The following PHLPP1 variants were observed in gnomAD, a reference collection of about 807,000 sequenced individuals.
PHLPP1 encodes PH domain and leucine rich repeat protein phosphatase 1.
Under a neutral mutation model 117.2 loss-of-function variants are expected in PHLPP1, and 42 were observed. The observed-to-expected ratio is 0.36, with a 90% confidence interval of 0.28 to 0.46. The LOEUF (loss-of-function observed/expected upper bound fraction) is 0.46. Ranked by LOEUF, PHLPP1 falls within the 20% of genes least tolerant of loss-of-function variation. The probability of loss-of-function intolerance (pLI) is 1.00; values close to 1 mark genes in which losing one functional copy is unlikely to be tolerated. For missense variants in PHLPP1, 2,084 were observed against 2,241.9 expected, an observed-to-expected ratio of 0.93 and a Z score of 1.42; for synonymous variants, 1,042 against 970.7, an observed-to-expected ratio of 1.07 and a Z score of -1.37.
intron 3 of PHLPP1, among the ~76,000 whole-genome samples, chr18:62,858,423 C>A (rs1915552020): frequency 6.6e-6 from 1 of 152,118 alleles, no homozygotes; most frequent in African/African-American, 2.4e-5. Flanking sequence ...CCACTACGCC[C>A]AGCTAATTTT....
At chr18:62,932,294 C>T (rs1909839016) in intron 10 of PHLPP1, among the ~76,000 whole-genome samples, 2 of 142,322 alleles carry the variant, frequency 1.4e-5, no homozygotes, top group Admixed American at 7.2e-5. Flanking sequence ...CATCCTGATA[C>T]CAAAATCTGA....
At chr18:62,935,323 G>A (rs991364401) in intron 10 of PHLPP1, among the ~76,000 whole-genome samples, 8 of 152,148 alleles carry the variant, frequency 5.3e-5, no homozygotes, top group Non-Finnish European at 1.0e-4. Flanking sequence ...AATAAGAAAT[G>A]TGCAAAAACT....
intron 1 of PHLPP1, among the ~76,000 whole-genome samples, chr18:62,726,102 A>G (rs1208726954): frequency 6.6e-6 from 1 of 151,818 alleles, no homozygotes; most frequent in Admixed American, 6.6e-5. Context: ...CACACTATAT[A>G]TATGTATGTG....
Position 62,716,563 on chromosome 18 carries a change from C to A in PHLPP1, c.880C>A (p.Pro294Thr). ...ARSAPGAFGG[P>T]PRAPPADLPL... ...GAGCGCGCCGGGTGCCTTCGGGGGG[C>A]CTCCGCGCGCGCCCCCCGCCGACCT... The change falls in exon 1 of 17, where the codon CCT becomes ACT. Residue 294 changes from proline to threonine, a missense_variant. Physicochemically the swap from Pro to Thr is conservative, Grantham distance 38. This residue lies in a region of PHLPP1 where 719 missense variants were observed against 636.0 expected (regional missense o/e 1.13). Coordinates refer to ENST00000262719, the MANE Select transcript of PHLPP1 (RefSeq NM_194449.4). This position sits in a 1 kb window ranked among gnomAD's most constrained non-coding sequence, Gnocchi z 5.7. 1 of 1,194,852 alleles carries A rather than the reference C, an allele frequency of 8.4e-7. No homozygotes were observed. 74.0% of individuals were successfully genotyped at this position (1,194,852 alleles called of 1,614,324 possible). A position where few individuals can be genotyped will look rare whatever the true frequency, so the allele number is the denominator to read the frequency against.
chr18:62,832,318 A>AT (rs1166103266), intron 2 of PHLPP1: 2 of 152,316 alleles, frequency 1.3e-5, no homozygotes, highest in Non-Finnish European at 2.9e-5. Flanking sequence ...GAGAGATTAC[A>AT]TTTTTTCGGG....
At chr18:62,923,748 G>A (rs963733906) in intron 10 of PHLPP1, among the ~76,000 whole-genome samples, 16 of 151,946 alleles carry the variant, frequency 1.1e-4, no homozygotes, top group Non-Finnish European at 1.8e-4. Flanking sequence ...GACAAATATC[G>A]TGTATTTGGT....
At chr18:62,870,566 G>A (rs748676317) in intron 4 of PHLPP1, among the ~76,000 whole-genome samples, 4 of 152,034 alleles carry the variant, frequency 2.6e-5, no homozygotes, top group African/African-American at 4.8e-5. Context: ...TTATTTTTAC[G>A]TTTTTACCTA....
chr18:62,717,088 C>A lies in PHLPP1; in HGVS notation c.1405C>A (p.Pro469Thr). Residue 469 changes from proline (P) to threonine (T), a missense_variant, in exon 1 of 17, where the codon CCC becomes ACC. Pro to Thr is a conservative substitution (Grantham distance 38). Around this residue, in one of 2 missense-constraint regions of PHLPP1, gnomAD observed 1,365 missense variants for 1,605.9 expected, o/e 0.85. Transcript: ENST00000262719. The part of the protein sequence containing the change: ...AEKAPPPPPP[P>T]TLYVQLHGET... ...GAAGGCGCCTCCGCCGCCCCCGCCG[C>A]CCACCCTGTACGTGCAGCTCCACGG... is the stretch of plus-strand genomic sequence containing the variant. 6.4e-7 allele frequency: 1 copy of A among 1,551,770 alleles called. No homozygotes were observed.
At chr18:62,884,577 T>G (rs1343449041) in intron 4 of PHLPP1, among the ~76,000 whole-genome samples, 1 of 152,252 alleles carries the variant, frequency 6.6e-6, no homozygotes. Context: ...GAGCGACGCT[T>G]ACAAGTCCAG....
At chr18:62,765,149 T>G (rs1448546912) in intron 1 of PHLPP1, among the ~76,000 whole-genome samples, 1 of 152,226 alleles carries the variant, frequency 6.6e-6, no homozygotes, top group Non-Finnish European at 1.5e-5. Flanking sequence ...TGTCTCCTCC[T>G]TTGTCTCCCT....
At chr18:62,834,536 C>T (rs1458586568) in intron 2 of PHLPP1, among the ~76,000 whole-genome samples, 1 of 152,118 alleles carries the variant, frequency 6.6e-6, no homozygotes, top group South Asian at 2.1e-4. Flanking sequence ...CTTTGGAGCT[C>T]GGTTACTGGG....
rs1312826562 is a variant in PHLPP1 at position 62,868,206 on chromosome 18, CACTT to C, written c.2066+7607_2066+7610del. Among the ~76,000 whole-genome samples, 7 of 152,250 alleles carry C rather than the reference CACTT, an allele frequency of 4.6e-5. No homozygotes were observed. In the East Asian group the frequency reaches 1.2e-3, roughly 25 times the overall value. ...TTTCAATTTATGAGAGATATTTTGA[CACTT>C]AAGTAATTACAAAGAATTAAACAAT... On this transcript the variant is annotated intron_variant, in intron 4 of 16. Coordinates refer to ENST00000262719, the MANE Select transcript of PHLPP1 (RefSeq NM_194449.4).
intron 4 of PHLPP1, among the ~76,000 whole-genome samples, chr18:62,880,245 G>A (rs550717646): frequency 1.3e-5 from 2 of 151,734 alleles, no homozygotes; most frequent in Non-Finnish European, 2.9e-5. Flanking sequence ...GATATGCTTA[G>A]CCTATTTGTT....
chr18:62,953,447 C>G (rs7229157), intron 12 of PHLPP1, among the ~76,000 whole-genome samples: 5,076 of 152,276 alleles, frequency 0.033, 259 homozygotes, highest in African/African-American at 0.11. Flanking sequence ...AACTTTGATT[C>G]TGCACAAAAA....
intron 14 of PHLPP1, among the ~76,000 whole-genome samples, chr18:62,970,025 T>C (rs1277411099): frequency 6.6e-6 from 1 of 152,178 alleles, no homozygotes; most frequent in African/African-American, 2.4e-5. Flanking sequence ...CCATCTGTTC[T>C]TTATTTCCTT....
At chr18:62,837,581 G>T (rs1280164598) in intron 2 of PHLPP1, 3 of 151,372 alleles carry the variant, frequency 2.0e-5, no homozygotes, top group Non-Finnish European at 4.4e-5. Flanking sequence ...TTACATATTT[G>T]GTTTTCATTT....
chr18:62,958,495 C>T, intron 12 of PHLPP1, 134 bp from the exon 13 acceptor site: 1 of 755,538 alleles, frequency 1.3e-6, no homozygotes, highest in Non-Finnish European at 2.0e-6. Context: ...ACAGATAAGC[C>T]TCCTTTTCCA....
intron 4 of PHLPP1, among the ~76,000 whole-genome samples, chr18:62,871,294 G>A (rs1009069734): frequency 1.3e-5 from 2 of 151,942 alleles, no homozygotes; most frequent in Admixed American, 6.6e-5. Flanking sequence ...TACTGCCCTG[G>A]TAAATTCAAA....
chr18:62,972,889 A>T (rs1911094114), intron 15 of PHLPP1, among the ~76,000 whole-genome samples, 181 bp downstream of exon 15: 1 of 152,030 alleles, frequency 6.6e-6, no homozygotes, highest in Admixed American at 6.6e-5. Flanking sequence ...CCGGTTTGAG[A>T]CATACTGATG....
Sources: allele counts gnomAD v4.1 joint callset (sites outside exome capture counted in the v4.1 genomes callset), GRCh38; gene constraint gnomAD v4.1.1; regional missense constraint gnomAD v4.1.1; non-coding constraint Gnocchi (gnomAD v3.1); transcripts MANE v1.5; gene names NCBI Gene and HGNC (gene_info 2026-07-23, HGNC 2026-07-21).